The following PCDHGA5 variants were observed in gnomAD, a reference collection of about 807,000 sequenced individuals.
PCDHGA5 encodes protocadherin gamma subfamily A, 5.
In PCDHGA5, 36 loss-of-function variants were observed where a neutral mutation model predicts 56.7. The observed-to-expected ratio is 0.64, with a 90% confidence interval of 0.49 to 0.84. The LOEUF is 0.84. Among genes scored for constraint, PCDHGA5 ranks in the 40% least tolerant of loss-of-function variants. The pLI, the probability that PCDHGA5 is intolerant of heterozygous loss-of-function variation, is 0.00. For synonymous variants in PCDHGA5, 563 were observed against 520.2 expected (o/e 1.08, Z -1.12); for missense variants, 1,305 against 1,201.5 (o/e 1.09, Z -1.27).
intron 3 of PCDHGA5, 73 bp from the exon 4 acceptor site, chr5:141,510,874 G>A (rs1419164967): frequency 3.7e-6 from 6 of 1,610,008 alleles, no homozygotes; most frequent in Admixed American, 1.7e-5. Context: ...TTCATTAACT[G>A]CTGGGGATAT....
chr5:141,419,715 T>A, intron 1 of PCDHGA5: 5 of 1,613,288 alleles, frequency 3.1e-6, no homozygotes, highest in Non-Finnish European at 4.2e-6. Context: ...CTCTTCAGCC[T>A]GGGGCTGCGA....
chr5:141,435,952 G>A lies in PCDHGA5; in HGVS notation c.2422-58855G>A, dbSNP rs944960593. ...TTGCTGCTTCTGAGACCAAAAAAGG[G>A]GGCAAAATATAGAGTGTGTGGTTCT... is the stretch of plus-strand genomic sequence containing the variant. On this transcript the variant is annotated intron_variant, in intron 1 of 3. Transcript: ENST00000518069. Among the ~76,000 whole-genome samples the A allele has an allele frequency of 2.6e-5, 4 of 152,098 alleles. No individual in the cohort carries two copies. The South Asian group carries it at 8.3e-4, about 32-fold the overall frequency.
intron 1 of PCDHGA5, among the ~76,000 whole-genome samples, chr5:141,492,095 CT>C (rs1047956109): frequency 6.6e-6 from 1 of 152,232 alleles, no homozygotes; most frequent in African/African-American, 2.4e-5. Context: ...CTTCGCCGGT[CT>C]GTAGATTTCC....
rs953428261 is a variant in PCDHGA5, at chr5:141,430,262, T to C, written c.2421+63511T>C. On this transcript the variant is annotated intron_variant, in intron 1 of 3. Coordinates refer to ENST00000518069, the MANE Select transcript of PCDHGA5 (RefSeq NM_018918.3). ...AACTCCTAGGGAGACATCTCCATAA[T>C]AGGTGTGTTGGGGGAACAGTAATCT... Among the ~76,000 whole-genome samples the C allele has an allele frequency of 2.6e-5, 4 of 151,892 alleles. No homozygotes were observed. The East Asian group carries it at 5.8e-4, about 22-fold the overall frequency.
rs566049956 is a variant in PCDHGA5 at position 141,511,685 on chromosome 5, G to A, written c.*512G>A. 1.0e-5 allele frequency: 2 copies of A among 198,374 alleles called. No individual in the cohort carries two copies. Among genetic ancestry groups the A allele is most frequent in the Non-Finnish European group, 2.1e-5 (2 of 94,428 alleles). The allele number at this position is 198,374 out of a possible 1,614,324, so 12.3% of individuals were successfully genotyped here. On this transcript the variant is annotated 3_prime_UTR_variant, in exon 4 of 4. Coordinates refer to ENST00000518069, the MANE Select transcript of PCDHGA5 (RefSeq NM_018918.3). ...GATTCTCAATCTTCCCCCAAAGCAT[G>A]GTTTGGTGCCAGCCCCTTCACCTCC...
Position 141,489,980 on chromosome 5 carries a change from T to G in PCDHGA5, c.2422-4827T>G, listed in dbSNP as rs2099694325. 1.2e-6 allele frequency: 2 copies of G among 1,614,204 alleles called. No individual in the cohort carries two copies. The highest frequency in any genetic ancestry group is 1.7e-6 in the Non-Finnish European group (2 of 1,180,012). On this transcript the variant is annotated intron_variant, in intron 1 of 3. Transcript: ENST00000518069. This position sits in a 1 kb window ranked among gnomAD's most constrained non-coding sequence, Gnocchi z 4.5. ...GCTCCAACCTTCCAATCCTCAGTTC[T>G]ACGTGTGGGAATCCCAGAGAATGCA...
intron 1 of PCDHGA5, chr5:141,413,151 T>G (rs1192899612): frequency 6.4e-7 from 1 of 1,573,560 alleles, no homozygotes; most frequent in Non-Finnish European, 8.6e-7. Context: ...GTGAGGACTT[T>G]GCAGAATTCT....
intron 1 of PCDHGA5, 33 bp from the exon 2 acceptor site, chr5:141,494,774 T>C (rs1462930792): frequency 6.2e-7 from 1 of 1,613,860 alleles, no homozygotes; most frequent in African/African-American, 1.3e-5. Flanking sequence ...TTCTCACGGG[T>C]ACTCAGCCCC....
chr5:141,400,068 G>A (rs2093954953), intron 1 of PCDHGA5: 1 of 1,613,706 alleles, frequency 6.2e-7, no homozygotes, highest in African/African-American at 1.3e-5. Flanking sequence ...ATGGTGGACA[G>A]CCGCCACTCT....
At chr5:141,404,238 C>T (rs764561008) in intron 1 of PCDHGA5, 3 of 1,613,712 alleles carry the variant, frequency 1.9e-6, no homozygotes, top group Non-Finnish European at 2.5e-6. Context: ...GACAGAGGAA[C>T]TCCGCCCCTG....
intron 1 of PCDHGA5, among the ~76,000 whole-genome samples, chr5:141,369,256 A>G (rs1385163233): frequency 6.6e-6 from 1 of 152,192 alleles, no homozygotes. Context: ...AAATAATATA[A>G]TTATAAGGAC....
chr5:141,416,828 C>T (rs1014962852), intron 1 of PCDHGA5: 2 of 152,042 alleles, frequency 1.3e-5, no homozygotes, highest in African/African-American at 4.8e-5. Context: ...CGAAGTTTCT[C>T]AAGACCCTTA....
chr5:141,396,620 A>C (rs1222901061), intron 1 of PCDHGA5: 1 of 142,662 alleles, frequency 7.0e-6, no homozygotes, highest in Admixed American at 7.0e-5. Flanking sequence ...ACTCCGTCTC[A>C]AAAAAAAAAA....
At chr5:141,404,783 G>A (rs758824309) in intron 1 of PCDHGA5, 39 of 1,613,798 alleles carry the variant, frequency 2.4e-5, no homozygotes, top group South Asian at 2.2e-4. Context: ...CCTATTCAAG[G>A]CCAGTGAGCC....
intron 1 of PCDHGA5, chr5:141,382,748 C>T (rs753044238): frequency 2.3e-5 from 14 of 606,870 alleles, no homozygotes; most frequent in Non-Finnish European, 3.6e-5. Context: ...CGACAGATTG[C>T]GATAAGCCCT....
intron 1 of PCDHGA5, chr5:141,418,292 T>A: frequency 6.2e-7 from 1 of 1,613,988 alleles, no homozygotes. Context: ...AATCAGTGAA[T>A]CCGTCAGCCT....
rs763072566 is a variant in PCDHGA5 at position 141,419,417 on chromosome 5, T to G, written c.2421+52666T>G. The stretch of plus-strand genomic sequence containing the variant: ...CGGGGTGGTGTTCGCGCAGCGCGCC[T>G]TCGACCACGAGCAGCTGCGCACCTT... On this transcript the variant is annotated intron_variant, in intron 1 of 3. Transcript: ENST00000518069. 3.0e-5 allele frequency: 48 copies of G among 1,613,288 alleles called. No homozygotes were observed. Among genetic ancestry groups the G allele is most frequent in the Non-Finnish European group, 3.8e-5 (45 of 1,179,884 alleles).
intron 1 of PCDHGA5, among the ~76,000 whole-genome samples, chr5:141,446,545 C>T (rs903831454): frequency 4.6e-5 from 7 of 151,914 alleles, no homozygotes; most frequent in African/African-American, 1.7e-4. Context: ...GGCCCTATCT[C>T]TGCTCACTGC....
In PCDHGA5 at chr5:141,399,479, C is replaced by T. The variant is rs774561101; in HGVS notation, c.2421+32728C>T. 3 of 1,614,032 alleles carry T rather than the reference C, an allele frequency of 1.9e-6. No individual in the cohort carries two copies. In the Admixed American group the frequency reaches 5.0e-5, roughly 27 times the overall value. On this transcript the variant is annotated intron_variant, in intron 1 of 3. Transcript: ENST00000518069. ...GATAACGCTCCGGTTTTCCACCAGG[C>T]GTCCTACTTAGTCAGTGTACCCGAA...
Sources: allele counts gnomAD v4.1 joint callset (sites outside exome capture counted in the v4.1 genomes callset), GRCh38; gene constraint gnomAD v4.1.1; non-coding constraint Gnocchi (gnomAD v3.1); transcripts MANE v1.5; gene names NCBI Gene and HGNC (gene_info 2026-07-23, HGNC 2026-07-21).